ADGRE3: variants seen among roughly 807,000 people sequenced by gnomAD.
ADGRE3 encodes the protein EGF-like module receptor 3.
Under a neutral mutation model 80.1 loss-of-function variants are expected in ADGRE3, and 88 were observed. The observed-to-expected ratio is 1.10, with a 90% CI of 0.93 to 1.31. The LOEUF (loss-of-function observed/expected upper bound fraction) is 1.31. Ranked by LOEUF, ADGRE3 falls within the 40% of genes most tolerant of loss-of-function variation. The pLI, the probability that ADGRE3 is intolerant of heterozygous loss-of-function variation, is 0.00. For synonymous variants in ADGRE3, 281 were observed against 294.8 expected, an observed-to-expected ratio of 0.95 and a Z score of 0.48; for missense variants, 715 against 776.5, an observed-to-expected ratio of 0.92 and a Z score of 0.94.
At chr19:14,602,741 G>GTT in the ADGRE3 span, among the ~76,000 whole-genome samples, 5 of 145,146 alleles carry the variant, frequency 3.4e-5, no homozygotes, top group Non-Finnish European at 4.6e-5. Flanking sequence ...TAGTTAAACA[G>GTT]TTTTTTTTTT....
chr19:14,625,773 A>G (rs1970722968), intron 14 of ADGRE3, among the ~76,000 whole-genome samples, 174 bp from the exon 15 acceptor site: 1 of 152,200 alleles, frequency 6.6e-6, no homozygotes, highest in Non-Finnish European at 1.5e-5. Flanking sequence ...AGATTCTGAC[A>G]CATATGCTAC....
chr19:14,626,604 C>A (rs1174743752), intron 14 of ADGRE3, among the ~76,000 whole-genome samples: 1 of 152,080 alleles, frequency 6.6e-6, no homozygotes, highest in Non-Finnish European at 1.5e-5. Context: ...CAGAAGCAGA[C>A]CCTGCAACAA....
the ADGRE3 span, among the ~76,000 whole-genome samples, chr19:14,611,357 G>A: frequency 1.4e-5 from 2 of 147,438 alleles, no homozygotes; most frequent in Non-Finnish European, 3.0e-5. Flanking sequence ...GACTTGGCCC[G>A]TGGAACTTCT....
the ADGRE3 span, among the ~76,000 whole-genome samples, chr19:14,604,865 G>T: frequency 6.6e-6 from 1 of 152,130 alleles, no homozygotes; most frequent in Non-Finnish European, 1.5e-5. Context: ...ATTGCCTATA[G>T]TAGAACACAT....
chr19:14,647,498 C>T (rs1971447281), intron 7 of ADGRE3, 133 bp from the exon 8 acceptor site: 1 of 634,954 alleles, frequency 1.6e-6, no homozygotes, highest in African/African-American at 1.9e-5. Context: ...CTCACTGCAA[C>T]CTCCGCCTCC....
chr19:14,611,165 G>A, the ADGRE3 span: 2 of 151,792 alleles, frequency 1.3e-5, no homozygotes, highest in South Asian at 4.2e-4. Flanking sequence ...GAACATCAGC[G>A]GAGAAGACAG....
At chr19:14,642,379 G>A (rs1023320648) in intron 9 of ADGRE3, among the ~76,000 whole-genome samples, 5 of 152,114 alleles carry the variant, frequency 3.3e-5, no homozygotes, top group Admixed American at 3.3e-4. Context: ...TATGCAGAGG[G>A]CTTGTGCTAT....
chr19:14,628,714 A>T (rs1472070196), intron 14 of ADGRE3: 2 of 389,298 alleles, frequency 5.1e-6, no homozygotes, highest in African/African-American at 2.1e-5. Context: ...GCAGACTGGG[A>T]TGGATCTATG....
Position 14,625,466 on chromosome 19 carries a change from T to C in ADGRE3, c.1920+26A>G, listed in dbSNP as rs200554519. On this transcript the variant is annotated intron_variant, in intron 15 of 15. Transcript: ENST00000253673. ...GTCAAGAGAGGAGTATGTAAAACAT[T>C]AGAACAATTCAGATGTTTCACTTAC... 4.3e-5 allele frequency: 59 copies of C among 1,385,936 alleles called. No individual in the cohort carries two copies. In the Middle Eastern group the frequency reaches 1.2e-3, roughly 29 times the overall value. 85.9% of individuals were successfully genotyped at this position (1,385,936 alleles called of 1,614,324 possible). A position where few individuals can be genotyped will look rare whatever the true frequency, so the allele number is the denominator to read the frequency against.
rs200242840 is a variant in ADGRE3, at chr19:14,668,875, G to A, written c.26-23C>T. 157 of 1,611,422 alleles carry A rather than the reference G, an allele frequency of 9.7e-5. 1 individual carries two copies. The South Asian group carries it at 1.7e-3, about 17-fold the overall frequency. On this transcript the variant is annotated intron_variant, in intron 1 of 15. Coordinates refer to ENST00000253673, the MANE Select transcript of ADGRE3 (RefSeq NM_032571.5). Reference sequence around the variant, plus strand: ...GGCCTGGAATAGATGGGAAACAGAAGGGAGAGACATGAAACAATTGAGGAG... The same window carrying A: ...GGCCTGGAATAGATGGGAAACAGAAAGGAGAGACATGAAACAATTGAGGAG...
chr19:14,645,193 A>C (rs552107774), intron 8 of ADGRE3, among the ~76,000 whole-genome samples: 2 of 144,126 alleles, frequency 1.4e-5, no homozygotes, highest in Non-Finnish European at 1.5e-5. Flanking sequence ...AAAAAAACCC[A>C]AAAAAAGCAG....
intron 8 of ADGRE3, 37 bp downstream of exon 8, chr19:14,647,144 T>G: frequency 1.9e-6 from 3 of 1,586,664 alleles, no homozygotes; most frequent in Non-Finnish European, 2.6e-6. Flanking sequence ...CCTGCCTCCT[T>G]GAGAACCCAC....
In ADGRE3 at chr19:14,650,571, C is replaced by A. The variant is rs191117782; in HGVS notation, c.697+514G>T. 4.0e-5 allele frequency among the ~76,000 whole-genome samples: 6 copies of A among 151,364 alleles called. No homozygotes were observed. In the East Asian group the frequency reaches 1.2e-3, roughly 30 times the overall value. ...ATCTTTCTCTCCATCTCTCTTTACC[C>A]ATCTGCCTCTCCACATCTGTTTCTC... On this transcript the variant is annotated intron_variant, in intron 7 of 15. Transcript: ENST00000253673.
At chr19:14,653,261 G>C (rs989247971) in intron 6 of ADGRE3, among the ~76,000 whole-genome samples, 2 of 151,966 alleles carry the variant, frequency 1.3e-5, no homozygotes, top group Admixed American at 6.6e-5. Context: ...TACAGGATGA[G>C]CCACCTCATC....
intron 7 of ADGRE3, among the ~76,000 whole-genome samples, chr19:14,649,770 C>T (rs372880527): frequency 7.6e-3 from 12 of 1,582 alleles, no homozygotes; most frequent in Admixed American, 0.021. Context: ...CTCTTTCTCC[C>T]CATCTCTCTC....
downstream of ADGRE3, among the ~76,000 whole-genome samples, chr19:14,616,970 T>C (rs370368612): frequency 2.0e-5 from 3 of 151,852 alleles, no homozygotes; most frequent in East Asian, 3.9e-4. Flanking sequence ...TAATTTCGTA[T>C]TTTTAGTAGA....
At chr19:14,601,627 C>T in the ADGRE3 span, among the ~76,000 whole-genome samples, 16,839 of 151,746 alleles carry the variant, frequency 0.11, 1,059 homozygotes, top group African/African-American at 0.16. Flanking sequence ...TTCCTTTTTT[C>T]TGTTTTTCAG....
At chr19:14,608,071 T>C in the ADGRE3 span, among the ~76,000 whole-genome samples, 1 of 151,798 alleles carries the variant, frequency 6.6e-6, no homozygotes, top group African/African-American at 2.4e-5. Context: ...GGGGTTTTAG[T>C]GTGTTGCCCA....
At chr19:14,643,559 T>C (rs183526449) in intron 9 of ADGRE3, among the ~76,000 whole-genome samples, 1 of 152,300 alleles carries the variant, frequency 6.6e-6, no homozygotes, top group Non-Finnish European at 1.5e-5. Context: ...ACCAAAGCTC[T>C]GGTGAGCTTC....
Sources: allele counts gnomAD v4.1 joint callset (sites outside exome capture counted in the v4.1 genomes callset), GRCh38; gene constraint gnomAD v4.1.1; transcripts MANE v1.5; gene names NCBI Gene and HGNC (gene_info 2026-07-23, HGNC 2026-07-21).